Variants in TBC1D22B observed in about 807,000 individuals in gnomAD.
TBC1D22B encodes chromosome 6 open reading frame 197.
In TBC1D22B, 32 loss-of-function variants were observed where a neutral mutation model predicts 69.1. The observed-to-expected ratio is 0.46, with a 90% CI of 0.35 to 0.62. The LOEUF is 0.62. TBC1D22B is among the 20% of genes least tolerant of loss of function. The pLI is 0.00. For missense variants in TBC1D22B, 462 were observed against 630.9 expected (o/e 0.73, Z 2.87); for synonymous variants, 206 against 229.8 (o/e 0.90, Z 0.94).
intron 1 of TBC1D22B, among the ~76,000 whole-genome samples, chr6:37,258,651 G>A (rs577744734): frequency 6.6e-6 from 1 of 152,068 alleles, no homozygotes; most frequent in Admixed American, 6.6e-5. Flanking sequence ...CACTAAATTC[G>A]TTCATTCTTC....
At chr6:37,268,976 C>T (rs1368240421) in intron 1 of TBC1D22B, among the ~76,000 whole-genome samples, 2 of 152,110 alleles carry the variant, frequency 1.3e-5, no homozygotes, top group Non-Finnish European at 2.9e-5. Flanking sequence ...TAGTTTGGGG[C>T]TAAGACGAGC....
intron 1 of TBC1D22B, among the ~76,000 whole-genome samples, chr6:37,266,562 A>G (rs1053045471): frequency 2.0e-5 from 3 of 151,284 alleles, no homozygotes; most frequent in Admixed American, 6.6e-5. Context: ...CCCCAGCTCA[A>G]GCCATTCTCC....
intron 6 of TBC1D22B, among the ~76,000 whole-genome samples, chr6:37,285,871 C>T (rs925177470): frequency 6.6e-6 from 1 of 152,254 alleles, no homozygotes; most frequent in African/African-American, 2.4e-5. Context: ...ATCCACCCGC[C>T]TCAGCCTCCC....
intron 1 of TBC1D22B, chr6:37,258,245 G>A (rs910247370): frequency 6.1e-6 from 3 of 492,438 alleles, no homozygotes; most frequent in South Asian, 2.4e-5. Flanking sequence ...GCGTAAAGGG[G>A]AGTGGAGTTG....
intron 1 of TBC1D22B, among the ~76,000 whole-genome samples, chr6:37,261,944 AGTGT>A (rs70977641): frequency 0.022 from 2,609 of 118,716 alleles, 53 homozygotes; most frequent in African/African-American, 0.044. Context: ...AGCTTTGGTC[AGTGT>A]GTGTGTGTGT....
At chr6:37,285,611 C>G (rs924951686) in intron 6 of TBC1D22B, among the ~76,000 whole-genome samples, 1 of 152,142 alleles carries the variant, frequency 6.6e-6, no homozygotes, top group Non-Finnish European at 1.5e-5. Flanking sequence ...TCCTGCCTCA[C>G]CCTCCTGGAT....
intron 12 of TBC1D22B, among the ~76,000 whole-genome samples, chr6:37,321,150 A>G (rs761785610): frequency 2.8e-4 from 42 of 152,244 alleles, no homozygotes; most frequent in Non-Finnish European, 5.7e-4. Context: ...CAATCCTACA[A>G]GGTAGGCTAT....
chr6:37,282,778 G>A lies in TBC1D22B; in HGVS notation c.602-104G>A, dbSNP rs1205083720. 10 of 1,102,132 alleles carry A rather than the reference G, an allele frequency of 9.1e-6. 1 individual carries two copies. In the Admixed American group the frequency reaches 1.8e-4, roughly 20 times the overall value. 68.3% of individuals were successfully genotyped at this position (1,102,132 alleles called of 1,614,324 possible). ...GTGCTTATGGGTAGCAGGTGGTGGT[G>A]GTGGTCTTACATGGATGGAAGGAGA... On this transcript the variant is annotated intron_variant, in intron 4 of 12. Transcript: ENST00000373491.
intron 8 of TBC1D22B, 52 bp downstream of exon 8, chr6:37,291,409 CGTCT>C (rs773677863): frequency 1.3e-5 from 17 of 1,307,178 alleles, no homozygotes; most frequent in African/African-American, 3.0e-5. Context: ...TCTTATCTGC[CGTCT>C]GTCTGTTTGT....
intron 1 of TBC1D22B, 99 bp downstream of exon 1, chr6:37,258,072 GA>G: frequency 7.2e-7 from 1 of 1,384,954 alleles, no homozygotes. Flanking sequence ...GAGGCCAGAA[GA>G]CTGGTTTGGG....
intron 2 of TBC1D22B, among the ~76,000 whole-genome samples, chr6:37,270,925 TCA>T (rs1766465988): frequency 1.3e-5 from 2 of 152,016 alleles, no homozygotes; most frequent in Non-Finnish European, 2.9e-5. Context: ...AGTGAGAAGA[TCA>T]GTTGCCAAGG....
Position 37,313,855 on chromosome 6 carries a change from G to A in TBC1D22B, c.1129G>A (p.Val377Met), listed in dbSNP as rs751755841. The A allele has an allele frequency of 4.3e-6, 7 of 1,614,070 alleles. No individual in the cohort carries two copies. In the African/African-American group the frequency reaches 6.7e-5, roughly 15 times the overall value. Residue 377 changes from valine (V) to methionine (M), a missense_variant, in exon 10 of 13, where the codon GTG (valine) becomes ATG (methionine). Val to Met is a conservative substitution (Grantham distance 21). Transcript: ENST00000373491. ...TGCACAACCAGGAATCCAGAAGAAG[G>A]TGAAGGCACTGGAAGAGCTTGTCAG... ...TFAQPGIQKK[V>M]KALEELVSRI... is the part of the protein sequence containing the mutation.
intron 2 of TBC1D22B, among the ~76,000 whole-genome samples, chr6:37,273,267 T>C (rs539628503): frequency 1.3e-5 from 2 of 150,792 alleles, no homozygotes; most frequent in East Asian, 3.9e-4. Context: ...AGGATCATAG[T>C]TGAGAATTAT....
intron 7 of TBC1D22B, 118 bp downstream of exon 7, chr6:37,287,190 C>T: frequency 2.8e-6 from 2 of 710,492 alleles, no homozygotes; most frequent in East Asian, 6.1e-5. Context: ...GCTTTGGTTC[C>T]TTCAGAGCAT....
intron 6 of TBC1D22B, among the ~76,000 whole-genome samples, chr6:37,285,927 C>T (rs775085821): frequency 3.3e-5 from 5 of 152,180 alleles, no homozygotes; most frequent in Admixed American, 2.0e-4. Flanking sequence ...GGCCCTTCCC[C>T]GCTTCTTACA....
chr6:37,305,047 T>C (rs1001275073), intron 8 of TBC1D22B, among the ~76,000 whole-genome samples: 3 of 152,192 alleles, frequency 2.0e-5, no homozygotes, highest in Admixed American at 2.0e-4. Context: ...TAATTTTTGA[T>C]AGTCAACACT....
At position 37,287,059 on chromosome 6, in the gene TBC1D22B, C is replaced by T; in HGVS notation, c.854C>T (p.Pro285Leu). The T allele has an allele frequency of 6.2e-7, 1 of 1,603,752 alleles. No homozygotes were observed. Among genetic ancestry groups the T allele is most frequent in the Non-Finnish European group, 8.5e-7 (1 of 1,176,296 alleles). The change falls in exon 7 of 13, where the codon CCA becomes CTA. Residue 285 changes from proline to leucine, a missense_variant. By Grantham distance (98) the Pro-to-Leu change is moderately conservative. Coordinates refer to ENST00000373491, the MANE Select transcript of TBC1D22B (RefSeq NM_017772.4). Reference protein sequence around the residue: ...TNPLIPLFQQPLVQEIFERIL... With the variant: ...TNPLIPLFQQLLVQEIFERIL... Reference sequence around the variant, plus strand: ...CCTCTCATTCCGTTGTTCCAGCAACCACTTGTACAGGAGGTGAGGGAATTA... The same window carrying T: ...CCTCTCATTCCGTTGTTCCAGCAACTACTTGTACAGGAGGTGAGGGAATTA...
At chr6:37,287,127 C>A in intron 7 of TBC1D22B, 55 bp downstream of exon 7, 1 of 1,473,398 alleles carries the variant, frequency 6.8e-7, no homozygotes, top group Non-Finnish European at 9.2e-7. Context: ...TTCTGTGGCA[C>A]CTGTTTACAG....
At chr6:37,313,358 C>T (rs965045467) in intron 9 of TBC1D22B, among the ~76,000 whole-genome samples, 12 of 152,026 alleles carry the variant, frequency 7.9e-5, no homozygotes, top group Non-Finnish European at 1.5e-4. Context: ...GGCGTGGTGG[C>T]GTGTGCCTAT....
Sources: allele counts gnomAD v4.1 joint callset (sites outside exome capture counted in the v4.1 genomes callset), GRCh38; gene constraint gnomAD v4.1.1; transcripts MANE v1.5; gene names NCBI Gene and HGNC (gene_info 2026-07-23, HGNC 2026-07-21).